KANSL1: variants seen among roughly 807,000 people sequenced by gnomAD.
KANSL1 encodes the protein KAT8 regulatory NSL complex subunit 1, also known as MLL1/MLL complex subunit KANSL1.
KANSL1 carries 22 observed loss-of-function variants against 103.6 expected under a neutral mutation model. The ratio of observed to expected loss-of-function variants is 0.21; its 90% CI spans 0.15 to 0.30. The LOEUF is 0.30. Among genes scored for constraint, KANSL1 ranks in the 10% least tolerant of loss-of-function variants. The pLI is 1.00. For missense variants in KANSL1, 1,337 were observed against 1,399.8 expected (o/e 0.96, Z 0.72); for synonymous variants, 600 against 527.6 (o/e 1.14, Z -1.88).
chr17:46,193,658 G>A, upstream of KANSL1: 2 of 312,636 alleles, frequency 6.4e-6, no homozygotes, highest in Non-Finnish European at 6.7e-6. Flanking sequence ...AGGCCGCGGC[G>A]CCCGGCCCCA....
In KANSL1 at chr17:46,039,097, TGGGTTG is replaced by T. The variant is rs747784599; in HGVS notation, c.2316_2321del (p.Asn773_Pro774del). The T allele has an allele frequency of 6.2e-7, 1 of 1,612,590 alleles. No homozygotes were observed. On this transcript the variant is annotated inframe_deletion, in exon 9 of 15. Coordinates refer to ENST00000432791, the MANE Select transcript of KANSL1 (RefSeq NM_015443.4). ...GGTTTGGGTCATGCACGGGTGGTGG[TGGGTTG>T]AGCAAGCGCTCTGCTTTTGGCGCTG...
intron 2 of KANSL1, among the ~76,000 whole-genome samples, chr17:46,111,073 T>C (rs1051320698): frequency 7.9e-5 from 12 of 152,226 alleles, no homozygotes; most frequent in African/African-American, 2.4e-4. Flanking sequence ...TTCCCTTAAA[T>C]TATTAAGTTG....
chr17:46,064,899 T>C (rs898013207), intron 6 of KANSL1, among the ~76,000 whole-genome samples: 3 of 152,078 alleles, frequency 2.0e-5, no homozygotes, highest in African/African-American at 4.8e-5. Flanking sequence ...ATTATTATTA[T>C]ACTTTAAGTT....
intron 2 of KANSL1, among the ~76,000 whole-genome samples, chr17:46,151,630 C>T (rs1201039776): frequency 2.6e-5 from 4 of 152,232 alleles, no homozygotes; most frequent in Non-Finnish European, 5.9e-5. Context: ...CTCCTTGTAA[C>T]TAAAATCATG....
chr17:46,047,802 T>TAAAA (rs66740033), intron 7 of KANSL1, among the ~76,000 whole-genome samples: 1 of 120,138 alleles, frequency 8.3e-6, no homozygotes, highest in Non-Finnish European at 1.8e-5. Context: ...AAATAAAAAT[T>TAAAA]AAAAAAAAAA....
chr17:46,096,311 C>CTTTCTTTCTTTCTTTTTT (rs753073992), intron 2 of KANSL1, among the ~76,000 whole-genome samples: 10 of 76,400 alleles, frequency 1.3e-4, no homozygotes, highest in African/African-American at 1.7e-4. Flanking sequence ...GCTTTTTTTT[C>CTTTCTTTCTTTCTTTTTT]TTTTTTTTTT....
At chr17:46,154,254 G>T (rs1049306483) in intron 2 of KANSL1, among the ~76,000 whole-genome samples, 1 of 152,244 alleles carries the variant, frequency 6.6e-6, no homozygotes, top group South Asian at 2.1e-4. Context: ...GGCAATGAGG[G>T]AAGTGGGGAA....
chr17:46,065,561 C>T (rs184356229), intron 6 of KANSL1, among the ~76,000 whole-genome samples: 2 of 152,244 alleles, frequency 1.3e-5, no homozygotes, highest in East Asian at 3.9e-4. Context: ...TCAAACAACC[C>T]TATGAGATCT....
In KANSL1 at chr17:46,171,107, A is replaced by C; in HGVS notation, c.1037T>G (p.Leu346Arg). The change falls in exon 2 of 15, where the codon CTG (leucine) becomes CGG (arginine). Residue 346 changes from leucine to arginine, a missense_variant. Leu to Arg is a moderately radical substitution (Grantham distance 102, BLOSUM62 -2). Coordinates refer to ENST00000432791, the MANE Select transcript of KANSL1 (RefSeq NM_015443.4). ...CAAGGCAGCTTCAGCCTTTCGAGTC[A>C]GCATCAACTGGCTCCGTGGTCTCAA... ...ESLRPRSQLM[L>R]TRKAEAALRK... 1 of 1,614,194 alleles carries C rather than the reference A, an allele frequency of 6.2e-7. No individual in the cohort carries two copies. Among genetic ancestry groups the C allele is most frequent in the Non-Finnish European group, 8.5e-7 (1 of 1,180,032 alleles).
intron 14 of KANSL1, 108 bp from the exon 15 acceptor site, chr17:46,031,811 T>G: frequency 8.8e-7 from 1 of 1,135,446 alleles, no homozygotes; most frequent in Non-Finnish European, 1.3e-6. Context: ...CCAGTCTATC[T>G]AGTGTTCCTG....
chr17:46,165,011 G>A (rs1044390257), intron 2 of KANSL1, among the ~76,000 whole-genome samples: 2 of 152,170 alleles, frequency 1.3e-5, no homozygotes, highest in Admixed American at 1.3e-4. Flanking sequence ...TGAGGCTGAG[G>A]CAGGAAGATC....
At chr17:46,067,321 T>C (rs1315998920) in intron 5 of KANSL1, among the ~76,000 whole-genome samples, 3 of 152,236 alleles carry the variant, frequency 2.0e-5, no homozygotes, top group Non-Finnish European at 1.5e-5. Context: ...ACAGTAACTG[T>C]AGTGTCTTTT....
At chr17:46,135,371 A>G (rs545890376) in intron 2 of KANSL1, among the ~76,000 whole-genome samples, 1 of 152,218 alleles carries the variant, frequency 6.6e-6, no homozygotes, top group South Asian at 2.1e-4. Context: ...ACAATAAAAC[A>G]TAAAACATAG....
intron 2 of KANSL1, among the ~76,000 whole-genome samples, chr17:46,099,323 C>CA (rs5820610): frequency 0.1 from 6,327 of 60,282 alleles, 831 homozygotes; most frequent in East Asian, 0.52. Context: ...GACTCCGTCT[C>CA]AAAAAAAAAA....
intron 2 of KANSL1, among the ~76,000 whole-genome samples, chr17:46,155,155 A>ATTTTTTTTTTTTTTTTTTTTTTTTTT (rs33974360): frequency 4.8e-5 from 5 of 103,856 alleles, no homozygotes; most frequent in Non-Finnish European, 5.4e-5. Flanking sequence ...TCAGCCAGGG[A>ATTTTTTTTTTTTTTTTTTTTTTTTTT]TTTTTTTTTT....
At position 46,069,165 on chromosome 17, in the gene KANSL1, A is replaced by G. The variant is rs188357681; in HGVS notation, c.1534-1498T>C. On this transcript the variant is annotated intron_variant, in intron 4 of 14. Coordinates refer to ENST00000432791, the MANE Select transcript of KANSL1 (RefSeq NM_015443.4). ...GTTCTTGAACTTCTGACCTCAACTG[A>G]TCTGCCCTCCTCGGCCTCCCAAAAT... Among the ~76,000 whole-genome samples the G allele has an allele frequency of 2.5e-4, 38 of 152,154 alleles. No individual in the cohort carries two copies. The East Asian group carries it at 5.0e-3, about 20-fold the overall frequency.
intron 1 of KANSL1, among the ~76,000 whole-genome samples, chr17:46,205,809 G>C (rs1332329994): frequency 6.6e-6 from 1 of 152,060 alleles, no homozygotes; most frequent in Non-Finnish European, 1.5e-5. Context: ...CAGGTGTGAT[G>C]GCTCACACCT....
chr17:46,155,386 G>A (rs565771605), intron 2 of KANSL1, among the ~76,000 whole-genome samples: 5 of 152,198 alleles, frequency 3.3e-5, no homozygotes, highest in East Asian at 3.9e-4. Context: ...TCGAACTCCC[G>A]GCCTCAAATG....
intron 4 of KANSL1, among the ~76,000 whole-genome samples, chr17:46,081,100 A>C (rs1469932038): frequency 6.6e-6 from 1 of 152,190 alleles, no homozygotes; most frequent in Non-Finnish European, 1.5e-5. Flanking sequence ...TGGATTTTTT[A>C]AGACAATGAG....
Sources: gnomAD v4.1 joint callset for allele counts (sites outside exome capture counted in the v4.1 genomes callset) on GRCh38, gnomAD v4.1.1 for gene constraint, MANE v1.5 for transcripts, NCBI Gene and HGNC (gene_info 2026-07-23, HGNC 2026-07-21) for gene names.